TRIM46: variants seen among roughly 807,000 people sequenced by gnomAD.
TRIM46 encodes tripartite motif containing 46, also known as tripartite motif-containing protein 46.
In TRIM46, 17 loss-of-function variants were observed where a neutral mutation model predicts 69.7. That is an observed-to-expected ratio of 0.24 (90% CI 0.17 to 0.37). The LOEUF is 0.37. Ranked by LOEUF, TRIM46 falls within the 10% of genes least tolerant of loss-of-function variation. TRIM46 has a pLI of 1.00. For missense variants in TRIM46, 675 were observed against 1,025.1 expected (o/e 0.66, Z 4.66); for synonymous variants, 391 against 429.0 (o/e 0.91, Z 1.09).
chr1:155,180,278 C>A (rs1557815350), intron 8 of TRIM46, among the ~76,000 whole-genome samples: 1 of 152,056 alleles, frequency 6.6e-6, no homozygotes, highest in Non-Finnish European at 1.5e-5. Context: ...ACCAACCTGG[C>A]CAACACAGCG....
intron 7 of TRIM46, 126 bp downstream of exon 7, chr1:155,178,739 T>TTGGGCCCCCCCCCCCCCCCCCCCCCCCCC: frequency 1.5e-6 from 2 of 1,348,470 alleles, no homozygotes; most frequent in Non-Finnish European, 2.0e-6. Context: ...CAGCCATTCC[T>TTGGGCCCCCCCCCCCCCCCCCCCCCCCCC]CCCACCCAGC....
rs1452362585 is a variant in TRIM46 at position 155,175,989 on chromosome 1, G to T, written c.427G>T (p.Gly143Cys). 8.1e-6 allele frequency: 13 copies of T among 1,613,684 alleles called. No homozygotes were observed. The highest frequency in any genetic ancestry group is 1.0e-5 in the Non-Finnish European group (12 of 1,179,658). The change falls in exon 3 of 10, where the codon GGT becomes TGT. Residue 143 changes from glycine to cysteine, a missense_variant. Physicochemically the swap from Gly to Cys is radical, Grantham distance 159. Around this residue, in one of 5 missense-constraint regions of TRIM46, gnomAD observed 170 missense variants for 255.6 expected, o/e 0.67. Coordinates refer to ENST00000334634, the MANE Select transcript of TRIM46 (RefSeq NM_025058.5). This position sits in a 1 kb window ranked among gnomAD's most constrained non-coding sequence, Gnocchi z 4.2. ...CQGDVELGER[G>C]LAGLFRNLTL... ...AGGTGATGTGGAGCTTGGGGAGCGGGGTCTGGCAGGGCTTTTCCGGAACCT... is the reference window on the plus strand; with the variant it reads ...AGGTGATGTGGAGCTTGGGGAGCGGTGTCTGGCAGGGCTTTTCCGGAACCT...
Position 155,175,882 on chromosome 1 carries a change from C to A in TRIM46, c.326-6C>A. The A allele has an allele frequency of 6.3e-7, 1 of 1,584,086 alleles. No homozygotes were observed. The highest frequency in any genetic ancestry group is 1.1e-5 in the South Asian group (1 of 87,040). ...CATGTCCTCTACCTCCCTGGTTCAC[C>A]CACAGGCTTTGGGACATACCCTGGG... is the stretch of plus-strand genomic sequence containing the variant. On this transcript the variant is annotated splice_region_variant and splice_polypyrimidine_tract_variant and intron_variant, in intron 2 of 9. Transcript: ENST00000334634. The surrounding 1 kb of genome is among the most constrained non-coding windows in gnomAD (Gnocchi z 4.2).
At chr1:155,179,522 C>T in intron 7 of TRIM46, 110 bp from the exon 8 acceptor site, 1 of 989,160 alleles carries the variant, frequency 1.0e-6, no homozygotes, top group South Asian at 1.6e-5. Flanking sequence ...TCCCTCTCAC[C>T]CACACTCACC....
Position 155,177,296 on chromosome 1 carries a change from G to C in TRIM46, c.909+6G>C. On this transcript the variant is annotated splice_donor_region_variant and intron_variant, in intron 5 of 9. Coordinates refer to ENST00000334634, the MANE Select transcript of TRIM46 (RefSeq NM_025058.5). ...AGGCCGTGAGGCACACCGAGGTGAG[G>C]GAGGGCACAGAGGTAGGCCCTGGGC... 6.2e-7 allele frequency: 1 copy of C among 1,613,632 alleles called. No homozygotes were observed. Among genetic ancestry groups the C allele is most frequent in the Non-Finnish European group, 8.5e-7 (1 of 1,179,558 alleles).
At chr1:155,178,716 TG>T (rs1420033167) in intron 7 of TRIM46, 103 bp downstream of exon 7, 1 of 1,543,938 alleles carries the variant, frequency 6.5e-7, no homozygotes, top group African/African-American at 1.4e-5. Context: ...CCCGGCCTCC[TG>T]CCCGGCCTGG....
At chr1:155,177,849 T>C (rs930726846) in intron 5 of TRIM46, among the ~76,000 whole-genome samples, 153 bp from the exon 6 acceptor site, 2 of 152,174 alleles carry the variant, frequency 1.3e-5, no homozygotes, top group Non-Finnish European at 2.9e-5. Context: ...TTTGCAGCCA[T>C]GAGCCCAGGC....
intron 7 of TRIM46, 126 bp downstream of exon 7, chr1:155,178,739 T>TCCCCCCCCCCCCCCCCCCCC: frequency 7.4e-7 from 1 of 1,348,472 alleles, no homozygotes; most frequent in Non-Finnish European, 1.0e-6. Flanking sequence ...CAGCCATTCC[T>TCCCCCCCCCCCCCCCCCCCC]CCCACCCAGC....
In TRIM46 at chr1:155,175,814, T is replaced by C; in HGVS notation, c.326-74T>C. The C allele has an allele frequency of 6.3e-7, 1 of 1,577,678 alleles. No individual in the cohort carries two copies. The highest frequency in any genetic ancestry group is 8.6e-7 in the Non-Finnish European group (1 of 1,159,690). The stretch of plus-strand genomic sequence containing the variant: ...GAGCTCTGGCACAATGAAAATCTAA[T>C]TTAATTAAACAGGCTTCCCCACACC... On this transcript the variant is annotated intron_variant, in intron 2 of 9. Transcript: ENST00000334634. The surrounding 1 kb of genome is among the most constrained non-coding windows in gnomAD (Gnocchi z 4.2).
rs1367821233 is a variant in TRIM46, at chr1:155,179,859, C to T, written c.1513C>T (p.Arg505Cys). Residue 505 changes from arginine to cysteine, a missense_variant, in exon 8 of 10, where the codon CGT becomes TGT. Around this residue, in one of 5 missense-constraint regions of TRIM46, gnomAD observed 361 missense variants for 498.3 expected, o/e 0.72. Transcript: ENST00000334634. ...NPDTGSVYVL[R>C]VRGCNKAGYG... is the part of the protein sequence containing the mutation. ...CGACACGGGCTCTGTGTATGTGCTG[C>T]GTGTCCGCGGCTGCAACAAGGCCGG... 2 of 1,610,800 alleles carry T rather than the reference C, an allele frequency of 1.2e-6. No individual in the cohort carries two copies. The highest frequency in any genetic ancestry group is 1.7e-5 in the Admixed American group (1 of 59,934).
intron 9 of TRIM46, among the ~76,000 whole-genome samples, chr1:155,183,405 G>A (rs1349786284): frequency 6.7e-6 from 1 of 149,880 alleles, no homozygotes; most frequent in Non-Finnish European, 1.5e-5. Flanking sequence ...TCTCTCTCCC[G>A]ACACCCACCT....
intron 5 of TRIM46, among the ~76,000 whole-genome samples, chr1:155,177,596 C>T (rs755230797): frequency 4.8e-4 from 73 of 152,330 alleles, no homozygotes; most frequent in Non-Finnish European, 8.2e-4. Flanking sequence ...GTCACGCATT[C>T]CCAGTGCTAG....
chr1:155,183,739 G>T, intron 9 of TRIM46, 58 bp from the exon 10 acceptor site: 1 of 1,584,126 alleles, frequency 6.3e-7, no homozygotes, highest in Non-Finnish European at 8.5e-7. Flanking sequence ...TCTCCCTCTG[G>T]TACCTCATCC....
At chr1:155,174,678 CA>C in intron 1 of TRIM46, 1 of 1,452,310 alleles carries the variant, frequency 6.9e-7, no homozygotes, top group Non-Finnish European at 9.0e-7. Context: ...TGAGGACCCC[CA>C]CTCTCGCCAC....
rs1177095900 is a variant in TRIM46 at position 155,175,086 on chromosome 1, A to AG, written c.64-295dup. 2.2e-6 allele frequency: 3 copies of AG among 1,356,250 alleles called. No individual in the cohort carries two copies. The highest frequency in any genetic ancestry group is 2.8e-6 in the Non-Finnish European group (3 of 1,054,796). The allele number at this position is 1,356,250 out of a possible 1,614,324, so 84.0% of individuals were successfully genotyped here. On this transcript the variant is annotated intron_variant, in intron 1 of 9. Transcript: ENST00000334634. This position sits in a 1 kb window ranked among gnomAD's most constrained non-coding sequence, Gnocchi z 4.2. ...CAGAGATGGGGGATGGAGGCAGGTG[A>AG]GGGGGCTGCCAGCTGGGGCTACTGC...
Position 155,175,130 on chromosome 1 carries a change from T to G in TRIM46, c.64-256T>G. 7.3e-7 allele frequency: 1 copy of G among 1,378,104 alleles called. No homozygotes were observed. The highest frequency in any genetic ancestry group is 9.3e-7 in the Non-Finnish European group (1 of 1,069,710). 85.4% of individuals were successfully genotyped at this position (1,378,104 alleles called of 1,614,324 possible). ...CTACTGCAGCTGGAGAAATGGGGATTGGGCTTGAGGCTGGAGCAGGCACAA... is the reference window on the plus strand; with the variant it reads ...CTACTGCAGCTGGAGAAATGGGGATGGGGCTTGAGGCTGGAGCAGGCACAA... On this transcript the variant is annotated intron_variant, in intron 1 of 9. Transcript: ENST00000334634. The surrounding 1 kb of genome is among the most constrained non-coding windows in gnomAD (Gnocchi z 4.2).
chr1:155,183,839 C>T lies in TRIM46; in HGVS notation c.1929C>T (p.Ala643=), dbSNP rs747242827. 4 of 1,610,302 alleles carry T rather than the reference C, an allele frequency of 2.5e-6. No individual in the cohort carries two copies. Among genetic ancestry groups the T allele is most frequent in the Non-Finnish European group, 3.4e-6 (4 of 1,180,030 alleles). ...DSGHDSGAED[A]TVEASPPFAF... ...GGCACGACAGCGGTGCCGAGGATGC[C>T]ACAGTGGAGGCGTCGCCACCCTTCG... Residue 643 remains alanine (A), a synonymous_variant, in exon 10 of 10, where the codon GCC becomes GCT. Coordinates refer to ENST00000334634, the MANE Select transcript of TRIM46 (RefSeq NM_025058.5).
At chr1:155,174,251 A>G (rs1434032755) in intron 1 of TRIM46, among the ~76,000 whole-genome samples, 1 of 151,978 alleles carries the variant, frequency 6.6e-6, no homozygotes, top group Non-Finnish European at 1.5e-5. Flanking sequence ...GAGCGTGAGG[A>G]GGAGCTAGGA....
At position 155,183,748 on chromosome 1, in the gene TRIM46, C is replaced by T. The variant is rs527290286; in HGVS notation, c.1887-49C>T. ...CCAGCGTCTCCCTCTGGTACCTCAT[C>T]CGTCACTCCATCCCTCAACAATCTC... On this transcript the variant is annotated intron_variant, in intron 9 of 9. Transcript: ENST00000334634. The T allele has an allele frequency of 5.6e-5, 89 of 1,589,206 alleles. No individual in the cohort carries two copies. The South Asian group carries it at 9.5e-4, about 17-fold the overall frequency.
Sources: allele counts gnomAD v4.1 joint callset (sites outside exome capture counted in the v4.1 genomes callset), GRCh38; gene constraint gnomAD v4.1.1; regional missense constraint gnomAD v4.1.1; non-coding constraint Gnocchi (gnomAD v3.1); transcripts MANE v1.5; gene names NCBI Gene and HGNC (gene_info 2026-07-23, HGNC 2026-07-21).